Variants in MAPK10 observed in about 807,000 individuals in gnomAD.
MAPK10 encodes the protein JNK3 alpha protein kinase.
In MAPK10, 25 loss-of-function variants were observed where a neutral mutation model predicts 59.3. The observed-to-expected ratio is 0.42, with a 90% CI of 0.31 to 0.59. MAPK10 has a LOEUF of 0.59. Among genes scored for constraint, MAPK10 ranks in the 20% least tolerant of loss-of-function variants. The pLI is 0.15. For synonymous variants in MAPK10, 190 were observed against 200.5 expected, an observed-to-expected ratio of 0.95 and a Z score of 0.44; for missense variants, 351 against 568.9, an observed-to-expected ratio of 0.62 and a Z score of 3.90.
intron 2 of MAPK10, among the ~76,000 whole-genome samples, chr4:86,216,108 C>T (rs1418900888): frequency 1.3e-5 from 2 of 152,048 alleles, no homozygotes; most frequent in African/African-American, 4.8e-5. Context: ...CCAGCAATCC[C>T]ATGCCTGGTT....
chr4:86,300,454 G>A (rs918078260), intron 2 of MAPK10: 3 of 148,044 alleles, frequency 2.0e-5, no homozygotes, highest in African/African-American at 7.4e-5. Context: ...ATATCATTTA[G>A]ATCAATTTGG....
chr4:86,587,570 A>G (rs1044521465), intron 1 of MAPK10, among the ~76,000 whole-genome samples: 11 of 152,202 alleles, frequency 7.2e-5, no homozygotes, highest in African/African-American at 2.7e-4. Flanking sequence ...CACCTGGGCA[A>G]CGTTCCCATC....
At chr4:86,272,250 T>C (rs2094455934) in intron 2 of MAPK10, among the ~76,000 whole-genome samples, 1 of 152,094 alleles carries the variant, frequency 6.6e-6, no homozygotes, top group Non-Finnish European at 1.5e-5. Flanking sequence ...AATTCTGTAT[T>C]GTGTGTACCT....
At chr4:86,506,846 TG>T (rs1176910075) in intron 1 of MAPK10, among the ~76,000 whole-genome samples, 10 of 152,226 alleles carry the variant, frequency 6.6e-5, no homozygotes, top group Middle Eastern at 3.4e-3. Context: ...AGGAGAAAGC[TG>T]TCAGGGAAAG....
intron 4 of MAPK10, among the ~76,000 whole-genome samples, chr4:86,145,062 A>G (rs988597170): frequency 6.6e-6 from 1 of 152,158 alleles, no homozygotes; most frequent in Non-Finnish European, 1.5e-5. Flanking sequence ...TCCTCCTTAA[A>G]ATACAACGAA....
intron 3 of MAPK10, among the ~76,000 whole-genome samples, chr4:86,172,469 C>T (rs369864086): frequency 0.078 from 11,681 of 149,104 alleles, 1,013 homozygotes; most frequent in African/African-American, 0.22. Flanking sequence ...TAAACTATTG[C>T]GAGGACAAAA....
chr4:86,045,812 C>T (rs1266828982), intron 11 of MAPK10, among the ~76,000 whole-genome samples: 2 of 151,346 alleles, frequency 1.3e-5, no homozygotes, highest in Non-Finnish European at 2.9e-5. Flanking sequence ...TGCATATACC[C>T]TTTCTTCTGC....
At chr4:86,120,277 G>C (rs1227498056) in intron 4 of MAPK10, 29 of 152,302 alleles carry the variant, frequency 1.9e-4, no homozygotes, top group African/African-American at 6.7e-4. Flanking sequence ...GTGCTTGGTA[G>C]ACACTAAATT....
intron 1 of MAPK10, among the ~76,000 whole-genome samples, chr4:86,433,746 T>C (rs1376154305): frequency 2.0e-5 from 3 of 151,964 alleles, no homozygotes; most frequent in Non-Finnish European, 4.4e-5. Context: ...TAGGCCGAGC[T>C]GTGCCCAGTC....
chr4:86,380,981 C>T (rs1199932988), intron 1 of MAPK10, among the ~76,000 whole-genome samples: 3 of 152,074 alleles, frequency 2.0e-5, no homozygotes, highest in African/African-American at 7.2e-5. Context: ...TGTAACAACC[C>T]TCAGTAGGTT....
At position 86,132,022 on chromosome 4, in the gene MAPK10, C is replaced by T. The variant is rs796208137; in HGVS notation, c.237-24670G>A. ...AGTCAGTAGACGATACACTGCTGGT[C>T]CTAGTCCATAAAGTCTAAATGAGTT... On this transcript the variant is annotated intron_variant, in intron 4 of 13. Coordinates refer to ENST00000641462, the MANE Select transcript of MAPK10 (RefSeq NM_138982.4). Among the ~76,000 whole-genome samples the T allele has an allele frequency of 6.6e-5, 10 of 152,264 alleles. No individual in the cohort carries two copies. In the East Asian group the frequency reaches 1.9e-3, roughly 29 times the overall value.
intron 3 of MAPK10, among the ~76,000 whole-genome samples, chr4:86,187,911 C>T (rs1391790125): frequency 6.6e-6 from 1 of 152,092 alleles, no homozygotes; most frequent in Non-Finnish European, 1.5e-5. Flanking sequence ...AATTCTATCC[C>T]TCTCGACATG....
chr4:86,343,518 T>C (rs7699105), intron 2 of MAPK10, among the ~76,000 whole-genome samples: 109,658 of 152,036 alleles, frequency 0.72, 40,351 homozygotes, highest in South Asian at 0.9. Context: ...AATAGTGCCA[T>C]GCTAGATGCA....
intron 1 of MAPK10, among the ~76,000 whole-genome samples, chr4:86,374,935 C>A (rs1396464457): frequency 6.6e-6 from 1 of 152,194 alleles, no homozygotes; most frequent in Non-Finnish European, 1.5e-5. Flanking sequence ...CAAACAAGCA[C>A]ACGTGTTCAT....
intron 1 of MAPK10, among the ~76,000 whole-genome samples, chr4:86,475,691 T>G (rs1753029419): frequency 6.6e-6 from 1 of 152,084 alleles, no homozygotes; most frequent in South Asian, 2.1e-4. Context: ...CAAGTACTGC[T>G]TTTCTGGGGG....
chr4:86,521,376 C>A (rs952709342), intron 1 of MAPK10, among the ~76,000 whole-genome samples: 2 of 152,110 alleles, frequency 1.3e-5, no homozygotes, highest in African/African-American at 2.4e-5. Context: ...GAGTTTTTGT[C>A]TTTTGTCTTC....
chr4:86,034,915 T>C (rs1316363472), intron 11 of MAPK10, among the ~76,000 whole-genome samples: 1 of 151,950 alleles, frequency 6.6e-6, no homozygotes, highest in East Asian at 1.9e-4. Context: ...GTGGTGGTGG[T>C]GGTAGTGGTA....
chr4:86,205,637 A>G (rs2083640463), intron 2 of MAPK10, among the ~76,000 whole-genome samples: 1 of 152,030 alleles, frequency 6.6e-6, no homozygotes, highest in African/African-American at 2.4e-5. Context: ...GTTTATCCCA[A>G]GTATACAAGC....
chr4:86,092,352 C>T (rs181280044), intron 9 of MAPK10, among the ~76,000 whole-genome samples: 1 of 152,124 alleles, frequency 6.6e-6, no homozygotes, highest in African/African-American at 2.4e-5. Context: ...ATGATAAGCT[C>T]TGTTATCTTG....
Sources: allele counts gnomAD v4.1 joint callset (sites outside exome capture counted in the v4.1 genomes callset), GRCh38; gene constraint gnomAD v4.1.1; transcripts MANE v1.5; gene names NCBI Gene and HGNC (gene_info 2026-07-23, HGNC 2026-07-21).